The following NRXN3 variants were observed in gnomAD, a reference collection of about 807,000 sequenced individuals.
NRXN3 encodes the protein neurexin 3.
A neutral mutation model predicts 137.6 loss-of-function variants in NRXN3; 32 were observed. The ratio of observed to expected loss-of-function variants is 0.23; its 90% CI spans 0.18 to 0.31. The LOEUF (loss-of-function observed/expected upper bound fraction) is 0.31, where lower values mean the gene tolerates loss of function less well. Ranked by LOEUF, NRXN3 falls within the 10% of genes least tolerant of loss-of-function variation. The pLI, the probability that NRXN3 is intolerant of heterozygous loss-of-function variation, is 1.00. For synonymous variants in NRXN3, 798 were observed against 784.5 expected (o/e 1.02, Z -0.29); for missense variants, 1,574 against 2,062.5 (o/e 0.76, Z 4.59).
At chr14:79,468,906 C>A (rs1215786603) in intron 16 of NRXN3, among the ~76,000 whole-genome samples, 1 of 152,144 alleles carries the variant, frequency 6.6e-6, no homozygotes, top group African/African-American at 2.4e-5. Flanking sequence ...CTTCAGGAAC[C>A]ATATGGTGCT....
At chr14:79,002,443 C>G (rs2099543470) in intron 15 of NRXN3, among the ~76,000 whole-genome samples, 1 of 152,066 alleles carries the variant, frequency 6.6e-6, no homozygotes, top group Non-Finnish European at 1.5e-5. Flanking sequence ...TGTTCAGCTC[C>G]CACTTATGAG....
chr14:79,467,001 C>T (rs1238071275), intron 15 of NRXN3, among the ~76,000 whole-genome samples: 1 of 152,170 alleles, frequency 6.6e-6, no homozygotes, highest in East Asian at 1.9e-4. Context: ...CGACTCTTAC[C>T]AACATCTGCT....
chr14:78,647,337 G>A (rs1365291146), intron 5 of NRXN3, among the ~76,000 whole-genome samples: 1 of 152,220 alleles, frequency 6.6e-6, no homozygotes, highest in Non-Finnish European at 1.5e-5. Context: ...GTGCCCTTGG[G>A]CAAGCCATTT....
intron 19 of NRXN3, chr14:79,760,859 G>A (rs2099036041): frequency 1.3e-5 from 2 of 151,736 alleles, no homozygotes; most frequent in South Asian, 2.1e-4. Context: ...CTCTGGCTGC[G>A]AGGCATCACC....
chr14:79,732,239 C>T (rs1409644719), intron 19 of NRXN3, among the ~76,000 whole-genome samples: 3 of 152,054 alleles, frequency 2.0e-5, no homozygotes, highest in South Asian at 2.1e-4. Flanking sequence ...TTCTCAGGAT[C>T]CCACTGTATG....
intron 16 of NRXN3, among the ~76,000 whole-genome samples, chr14:79,472,577 G>A (rs2096524020): frequency 6.6e-6 from 1 of 152,186 alleles, no homozygotes; most frequent in Non-Finnish European, 1.5e-5. Context: ...TGCATGAAAT[G>A]AGATTCTGTA....
At chr14:78,686,120 A>G (rs368485893) in intron 6 of NRXN3, among the ~76,000 whole-genome samples, 7 of 152,200 alleles carry the variant, frequency 4.6e-5, no homozygotes, top group African/African-American at 1.7e-4. Flanking sequence ...AGTTCATGAA[A>G]GTAAAACTGC....
intron 2 of NRXN3, among the ~76,000 whole-genome samples, chr14:78,271,348 T>C (rs1164255102): frequency 1.3e-5 from 2 of 152,096 alleles, no homozygotes; most frequent in Non-Finnish European, 2.9e-5. Context: ...CCATTATTCC[T>C]GTGTGGCAGA....
intron 4 of NRXN3, among the ~76,000 whole-genome samples, chr14:78,625,021 T>C (rs928244484): frequency 5.9e-5 from 9 of 152,134 alleles, no homozygotes; most frequent in Admixed American, 2.0e-4. Flanking sequence ...TTTGTATTTT[T>C]AGTAGAGACG....
chr14:78,344,541 C>T (rs571949910), intron 4 of NRXN3, among the ~76,000 whole-genome samples: 3 of 152,284 alleles, frequency 2.0e-5, no homozygotes, highest in South Asian at 4.1e-4. Flanking sequence ...ACGTGAGGCA[C>T]ATACACAGAA....
intron 1 of NRXN3, among the ~76,000 whole-genome samples, chr14:78,228,858 A>G (rs2065019614): frequency 6.6e-6 from 1 of 152,194 alleles, no homozygotes; most frequent in Non-Finnish European, 1.5e-5. Flanking sequence ...TTTCATGCGG[A>G]CGGTGATAAC....
chr14:79,834,500 C>T (rs1262447489), intron 20 of NRXN3, among the ~76,000 whole-genome samples: 1 of 152,068 alleles, frequency 6.6e-6, no homozygotes, highest in African/African-American at 2.4e-5. Context: ...GCTAAAGACA[C>T]AACATTTTAC....
At chr14:78,825,275 A>G (rs1205588417) in intron 10 of NRXN3, among the ~76,000 whole-genome samples, 1 of 152,030 alleles carries the variant, frequency 6.6e-6, no homozygotes, top group Non-Finnish European at 1.5e-5. Context: ...GGCTTCTGTA[A>G]GCTTCAAAAA....
chr14:79,209,985 A>G (rs2067403295), intron 15 of NRXN3, among the ~76,000 whole-genome samples: 1 of 152,194 alleles, frequency 6.6e-6, no homozygotes, highest in African/African-American at 2.4e-5. Context: ...TATCAATGGC[A>G]TTGGTCATTT....
chr14:78,927,689 A>G (rs1256631206), intron 10 of NRXN3, among the ~76,000 whole-genome samples: 1 of 152,126 alleles, frequency 6.6e-6, no homozygotes, highest in Non-Finnish European at 1.5e-5. Flanking sequence ...TGAGACCATT[A>G]TGATATTGAT....
intron 4 of NRXN3, among the ~76,000 whole-genome samples, chr14:78,586,423 T>G (rs1322989653): frequency 1.3e-5 from 2 of 152,168 alleles, no homozygotes; most frequent in Non-Finnish European, 2.9e-5. Flanking sequence ...CTGGGCAAGT[T>G]ACTTCCCCAT....
At chr14:79,414,130 G>A (rs923151986) in intron 15 of NRXN3, among the ~76,000 whole-genome samples, 7 of 152,020 alleles carry the variant, frequency 4.6e-5, no homozygotes, top group Non-Finnish European at 1.0e-4. Context: ...GGCGGCAGGG[G>A]GTCATTGATC....
At chr14:78,515,149 T>C in intron 4 of NRXN3, among the ~76,000 whole-genome samples, 1 of 152,136 alleles carries the variant, frequency 6.6e-6, no homozygotes. Flanking sequence ...ATGAAGGGCT[T>C]TTTTAAGCAG....
intron 16 of NRXN3, among the ~76,000 whole-genome samples, chr14:79,565,247 GTATA>G (rs1320341086): frequency 2.9e-5 from 2 of 69,786 alleles, no homozygotes; most frequent in African/African-American, 6.1e-5. Context: ...ATATGTGTGT[GTATA>G]TATACATATA....
Sources: gnomAD v4.1 joint callset for allele counts (sites outside exome capture counted in the v4.1 genomes callset) on GRCh38, gnomAD v4.1.1 for gene constraint, MANE v1.5 for transcripts, NCBI Gene and HGNC (gene_info 2026-07-23, HGNC 2026-07-21) for gene names.